Variants in FAM120A observed in about 807,000 individuals in gnomAD.
FAM120A encodes family with sequence similarity 120 member A.
FAM120A carries 15 observed loss-of-function variants against 109.7 expected under a neutral mutation model. That is an observed-to-expected ratio of 0.14 (90% CI 0.09 to 0.21). FAM120A has a LOEUF of 0.21. Ranked by LOEUF, FAM120A falls within the 10% of genes least tolerant of loss-of-function variation. The pLI is 1.00. For synonymous variants in FAM120A, 493 were observed against 572.8 expected (o/e 0.86, Z 1.99); for missense variants, 899 against 1,439.3 (o/e 0.62, Z 6.07).
intron 1 of FAM120A, among the ~76,000 whole-genome samples, chr9:93,464,759 A>C (rs1857940829): frequency 6.6e-6 from 1 of 152,248 alleles, no homozygotes; most frequent in Non-Finnish European, 1.5e-5. Context: ...GAGGCAGCTC[A>C]TAGTTCGAAG....
intron 5 of FAM120A, among the ~76,000 whole-genome samples, chr9:93,504,151 A>C (rs1277933923): frequency 6.6e-6 from 1 of 152,130 alleles, no homozygotes; most frequent in African/African-American, 2.4e-5. Context: ...TATTCCATGC[A>C]GGGGAGGTGG....
chr9:93,468,960 G>A (rs769296707), intron 1 of FAM120A, among the ~76,000 whole-genome samples: 31 of 152,254 alleles, frequency 2.0e-4, no homozygotes, highest in East Asian at 3.9e-4. Context: ...ATCATCCCCC[G>A]CTTTTCCTCT....
intron 1 of FAM120A, among the ~76,000 whole-genome samples, chr9:93,467,005 A>G (rs1417233188): frequency 6.6e-6 from 1 of 152,104 alleles, no homozygotes; most frequent in Non-Finnish European, 1.5e-5. Flanking sequence ...CAGTGAGGCT[A>G]TTTCATACAT....
intron 1 of FAM120A, among the ~76,000 whole-genome samples, chr9:93,459,923 C>A (rs1399924401): frequency 6.6e-6 from 1 of 152,170 alleles, no homozygotes; most frequent in African/African-American, 2.4e-5. Context: ...AAGCTTTATG[C>A]CTTTGTAAAG....
chr9:93,487,752 A>G (rs1227720475), intron 3 of FAM120A, among the ~76,000 whole-genome samples: 3 of 152,214 alleles, frequency 2.0e-5, no homozygotes, highest in Non-Finnish European at 4.4e-5. Flanking sequence ...GATAGTAGTT[A>G]CAGTATTGGA....
At position 93,507,622 on chromosome 9, in the gene FAM120A, A is replaced by G. The variant is rs142568097; in HGVS notation, c.1031-8045A>G. ...GGCCAGATGCAGGAGGTGGGTGCAC[A>G]GAAAGAGTGGCTCAGCGAGGCCAGG... On this transcript the variant is annotated intron_variant, in intron 5 of 17. Transcript: ENST00000277165. 2.8e-3 allele frequency among the ~76,000 whole-genome samples: 431 copies of G among 152,314 alleles called. 5 individuals carry two copies. The Middle Eastern group carries it at 0.044, about 16-fold the overall frequency.
rs1375852602 is a variant in FAM120A at position 93,561,274 on chromosome 9, T to G, written c.2948+24T>G. On this transcript the variant is annotated intron_variant, in intron 16 of 17. Transcript: ENST00000277165. ...GGGTAAGTTCTGAGCCACGAAAATG[T>G]CTTTTGTATAAGTAAAGAAAACAGC... The G allele has an allele frequency of 1.9e-6, 3 of 1,583,552 alleles. No individual in the cohort carries two copies. In the Admixed American group the frequency reaches 5.9e-5, roughly 31 times the overall value.
intron 1 of FAM120A, among the ~76,000 whole-genome samples, chr9:93,460,267 C>G (rs1857730963): frequency 6.6e-6 from 1 of 152,158 alleles, no homozygotes; most frequent in African/African-American, 2.4e-5. Flanking sequence ...ATAAAACAGG[C>G]ATTTAAATGA....
chr9:93,484,719 G>A (rs925782895), intron 3 of FAM120A, among the ~76,000 whole-genome samples: 4 of 152,122 alleles, frequency 2.6e-5, no homozygotes, highest in East Asian at 1.9e-4. Context: ...GACTACAGGC[G>A]TGTGCCACCA....
chr9:93,491,064 C>G (rs988094126), intron 3 of FAM120A, among the ~76,000 whole-genome samples: 1 of 152,126 alleles, frequency 6.6e-6, no homozygotes, highest in Non-Finnish European at 1.5e-5. Flanking sequence ...GAAAGTTATG[C>G]CTGGGGTTGT....
At chr9:93,526,982 C>T (rs1435980020) in intron 7 of FAM120A, among the ~76,000 whole-genome samples, 173 bp from the exon 8 acceptor site, 1 of 152,182 alleles carries the variant, frequency 6.6e-6, no homozygotes. Context: ...TGGTTATCAC[C>T]TACCCTTTTG....
At chr9:93,546,503 T>C (rs1861896607) in intron 11 of FAM120A, among the ~76,000 whole-genome samples, 1 of 152,252 alleles carries the variant, frequency 6.6e-6, no homozygotes, top group African/African-American at 2.4e-5. Flanking sequence ...CTGCCCCTCC[T>C]GTGGCTGGTG....
At chr9:93,535,671 A>G (rs1861488676) in intron 10 of FAM120A, among the ~76,000 whole-genome samples, 1 of 152,208 alleles carries the variant, frequency 6.6e-6, no homozygotes, top group Non-Finnish European at 1.5e-5. Flanking sequence ...TTCATGCGTT[A>G]GTTACATTCA....
intron 3 of FAM120A, among the ~76,000 whole-genome samples, chr9:93,494,508 C>T (rs562178428): frequency 2.4e-4 from 36 of 152,294 alleles, no homozygotes; most frequent in African/African-American, 8.7e-4. Flanking sequence ...CATTCGTGGC[C>T]TGTTCCATTA....
chr9:93,504,899 TTTA>T (rs1326939913), intron 5 of FAM120A, among the ~76,000 whole-genome samples: 4 of 152,116 alleles, frequency 2.6e-5, no homozygotes, highest in Admixed American at 1.3e-4. Flanking sequence ...TGCTCCACGT[TTTA>T]TTATTTTTTG....
chr9:93,559,918 A>G (rs1185979942), intron 15 of FAM120A, among the ~76,000 whole-genome samples: 3 of 152,242 alleles, frequency 2.0e-5, no homozygotes. Context: ...TCTGTTGAGC[A>G]CTTAAGCTCT....
Position 93,498,937 on chromosome 9 carries a change from AG to A in FAM120A, c.1030+53del. The A allele has an allele frequency of 9.4e-7, 1 of 1,063,094 alleles. No individual in the cohort carries two copies. The highest frequency in any genetic ancestry group is 1.5e-6 in the Non-Finnish European group (1 of 683,712). The allele number at this position is 1,063,094 out of a possible 1,614,324, so 65.9% of individuals were successfully genotyped here. ...ATATTGACCATATGATAATCCAAGT[AG>A]GTTTAAATATTCACCATATAATCTT... On this transcript the variant is annotated intron_variant, in intron 5 of 17. Transcript: ENST00000277165. The surrounding 1 kb of genome is among the most constrained non-coding windows in gnomAD (Gnocchi z 4.4).
intron 12 of FAM120A, among the ~76,000 whole-genome samples, chr9:93,553,533 A>T (rs762648719): frequency 6.6e-6 from 1 of 152,238 alleles, no homozygotes; most frequent in Non-Finnish European, 1.5e-5. Context: ...TCTTGAGCTA[A>T]TCGGTCAGAG....
chr9:93,490,160 T>A (rs1859251990), intron 3 of FAM120A, among the ~76,000 whole-genome samples: 1 of 152,232 alleles, frequency 6.6e-6, no homozygotes, highest in Non-Finnish European at 1.5e-5. Context: ...TCCTTGAAAT[T>A]GCCAAAATGC....
Sources: gnomAD v4.1 joint callset for allele counts (sites outside exome capture counted in the v4.1 genomes callset) on GRCh38, gnomAD v4.1.1 for gene constraint, Gnocchi (gnomAD v3.1) non-coding constraint, MANE v1.5 for transcripts, NCBI Gene and HGNC (gene_info 2026-07-23, HGNC 2026-07-21) for gene names.